USP33: variants seen among roughly 807,000 people sequenced by gnomAD.
USP33 encodes the protein ubiquitin specific peptidase 33.
USP33 carries 46 observed loss-of-function variants against 124.2 expected under a neutral mutation model. The observed-to-expected ratio is 0.37, with a 90% CI of 0.29 to 0.47. The LOEUF (loss-of-function observed/expected upper bound fraction) is 0.47, where lower values mean the gene tolerates loss of function less well. USP33 is among the 20% of genes least tolerant of loss of function. The pLI is 0.99. For missense variants in USP33, 851 were observed against 1,070.6 expected (o/e 0.79, Z 2.86); for synonymous variants, 350 against 352.3 (o/e 0.99, Z 0.07).
At chr1:77,710,789 T>C (rs113510101) in intron 21 of USP33, among the ~76,000 whole-genome samples, 3 of 152,316 alleles carry the variant, frequency 2.0e-5, no homozygotes, top group African/African-American at 7.2e-5. Flanking sequence ...CTCCCCATAA[T>C]AGTGTCTCAG....
chr1:77,725,847 T>C, intron 10 of USP33, 85 bp from the exon 11 acceptor site: 1 of 1,229,958 alleles, frequency 8.1e-7, no homozygotes, highest in South Asian at 1.8e-5. Flanking sequence ...CTTAATTTGA[T>C]ATTTTGAACA....
At chr1:77,713,303 T>C (rs749604684) in intron 19 of USP33, 22 bp from the exon 20 acceptor site, 6 of 1,551,804 alleles carry the variant, frequency 3.9e-6, no homozygotes, top group Middle Eastern at 1.7e-4. Flanking sequence ...TATAAACATA[T>C]CTGTTTCATG....
intron 21 of USP33, among the ~76,000 whole-genome samples, chr1:77,705,907 C>T (rs1239724201): frequency 6.6e-6 from 1 of 152,102 alleles, no homozygotes; most frequent in Non-Finnish European, 1.5e-5. Context: ...TGAAATTAGA[C>T]ATTATATAGT....
intron 14 of USP33, 60 bp from the exon 15 acceptor site, chr1:77,721,265 C>G (rs1676530570): frequency 6.3e-7 from 1 of 1,591,156 alleles, no homozygotes; most frequent in African/African-American, 1.3e-5. Context: ...TTATTATGGT[C>G]CTGTAATTAT....
intron 1 of USP33, among the ~76,000 whole-genome samples, chr1:77,754,535 T>C (rs903256811): frequency 6.6e-6 from 1 of 152,230 alleles, no homozygotes; most frequent in African/African-American, 2.4e-5. Context: ...TAAATAACTG[T>C]TTCTTTCCCT....
At chr1:77,747,831 C>T (rs933833770) in intron 1 of USP33, among the ~76,000 whole-genome samples, 13 of 152,160 alleles carry the variant, frequency 8.5e-5, no homozygotes, top group African/African-American at 3.1e-4. Context: ...TCCAGATGGG[C>T]AGACAGTTGT....
chr1:77,741,571 G>C, intron 2 of USP33, 46 bp downstream of exon 2: 2 of 1,555,780 alleles, frequency 1.3e-6, no homozygotes, highest in Non-Finnish European at 1.7e-6. Flanking sequence ...ACACATTCAA[G>C]AGAAAAGTGA....
chr1:77,741,489 C>G (rs565685868), intron 2 of USP33, 60 bp from the exon 3 acceptor site: 17 of 1,548,882 alleles, frequency 1.1e-5, no homozygotes, highest in Middle Eastern at 3.4e-4. Context: ...ATACAATTCA[C>G]TAATGCACTA....
Position 77,759,843 on chromosome 1 carries a change from C to G in USP33, c.-252G>C, listed in dbSNP as rs1681170170. ...TTCCCGCAGCAGCCGCGGCTCCTTC[C>G]GGTGTCTCCGGGGCCGCCGCAGGCG... On this transcript the variant is annotated 5_prime_UTR_variant, in exon 1 of 24. Transcript: ENST00000370794. 1 of 396,060 alleles carries G rather than the reference C, an allele frequency of 2.5e-6. No homozygotes were observed. The highest frequency in any genetic ancestry group is 3.6e-5 in the East Asian group (1 of 27,966). The allele number at this position is 396,060 out of a possible 1,614,324, so 24.5% of individuals were successfully genotyped here. A position where few individuals can be genotyped will look rare whatever the true frequency, so the allele number is the denominator to read the frequency against.
At chr1:77,720,213 GA>G (rs1484004021) in intron 15 of USP33, 2 of 322,004 alleles carry the variant, frequency 6.2e-6, no homozygotes, top group East Asian at 1.8e-4. Context: ...CTTACATGTG[GA>G]AAAAAAGATA....
intron 22 of USP33, 65 bp downstream of exon 22, chr1:77,701,304 G>T: frequency 8.4e-7 from 1 of 1,190,504 alleles, no homozygotes; most frequent in Non-Finnish European, 1.2e-6. Context: ...AGATATTCAA[G>T]AAATACTTGT....
At chr1:77,722,647 A>G (rs1676699525) in intron 12 of USP33, among the ~76,000 whole-genome samples, 1 of 152,220 alleles carries the variant, frequency 6.6e-6, no homozygotes, top group South Asian at 2.1e-4. Context: ...TTCCACTTAA[A>G]TATTTAGTAC....
intron 1 of USP33, among the ~76,000 whole-genome samples, chr1:77,758,304 C>T (rs1680996196): frequency 6.6e-6 from 1 of 151,686 alleles, no homozygotes; most frequent in African/African-American, 2.4e-5. Context: ...CCTCAGCCTC[C>T]CAAGTAGCTG....
intron 21 of USP33, among the ~76,000 whole-genome samples, chr1:77,709,849 A>G (rs1675038906): frequency 6.6e-6 from 1 of 150,430 alleles, no homozygotes; most frequent in South Asian, 2.1e-4. Context: ...AGTGAGAGTT[A>G]AGAAATATCA....
intron 1 of USP33, among the ~76,000 whole-genome samples, chr1:77,758,539 T>C (rs1295371605): frequency 2.0e-5 from 3 of 152,314 alleles, no homozygotes; most frequent in Middle Eastern, 3.4e-3. Flanking sequence ...TGTGTAACTA[T>C]TTCTATTATT....
intron 5 of USP33, among the ~76,000 whole-genome samples, chr1:77,738,549 C>T (rs990448384): frequency 4.0e-5 from 6 of 151,676 alleles, no homozygotes; most frequent in South Asian, 2.1e-4. Flanking sequence ...GGCAAGGTCT[C>T]GGCTCACTGC....
chr1:77,758,418 T>C (rs1681008426), intron 1 of USP33, among the ~76,000 whole-genome samples: 1 of 152,122 alleles, frequency 6.6e-6, no homozygotes, highest in Non-Finnish European at 1.5e-5. Flanking sequence ...CCTGACCTCG[T>C]GATCGTCGGC....
At chr1:77,714,426 G>A (rs1259329464) in intron 19 of USP33, among the ~76,000 whole-genome samples, 188 bp downstream of exon 19, 1 of 152,150 alleles carries the variant, frequency 6.6e-6, no homozygotes, top group African/African-American at 2.4e-5. Context: ...CAATAAAGAA[G>A]CTAGAGATTA....
At chr1:77,745,360 C>G (rs970314478) in intron 1 of USP33, 1 of 152,296 alleles carries the variant, frequency 6.6e-6, no homozygotes, top group African/African-American at 2.4e-5. Context: ...ACTGATGGGT[C>G]TTGACTTTTT....
Sources: allele counts gnomAD v4.1 joint callset (sites outside exome capture counted in the v4.1 genomes callset), GRCh38; gene constraint gnomAD v4.1.1; transcripts MANE v1.5; gene names NCBI Gene and HGNC (gene_info 2026-07-23, HGNC 2026-07-21).